ZNF354C: variants seen among roughly 807,000 people sequenced by gnomAD.
ZNF354C encodes zinc finger protein 354C.
Under a neutral mutation model 12.4 loss-of-function variants are expected in ZNF354C, and 7 were observed. The observed-to-expected ratio is 0.56, with a 90% CI of 0.32 to 1.06. The LOEUF (loss-of-function observed/expected upper bound fraction) is 1.06. Among genes scored for constraint, ZNF354C ranks in the 50% least tolerant of loss-of-function variants. The pLI is 0.04. For missense variants in ZNF354C, 609 were observed against 658.0 expected, an observed-to-expected ratio of 0.93 and a Z score of 0.81; for synonymous variants, 202 against 224.5, an observed-to-expected ratio of 0.90 and a Z score of 0.90.
intron 2 of ZNF354C, among the ~76,000 whole-genome samples, chr5:179,070,184 G>A (rs1406958302): frequency 6.6e-6 from 1 of 152,154 alleles, no homozygotes; most frequent in African/African-American, 2.4e-5. Context: ...AACTGCGCAC[G>A]TGAGGGGCCC....
chr5:179,069,543 C>A (rs1762013323), intron 2 of ZNF354C, among the ~76,000 whole-genome samples: 1 of 127,084 alleles, frequency 7.9e-6, no homozygotes. Flanking sequence ...GCCTGGGCGA[C>A]AGAGCAAGAC....
At position 179,062,074 on chromosome 5, in the gene ZNF354C, T is replaced by C; in HGVS notation, c.6T>C (p.Ala2=). The C allele has an allele frequency of 6.2e-7, 1 of 1,614,210 alleles. No homozygotes were observed. Among genetic ancestry groups the C allele is most frequent in the Non-Finnish European group, 8.5e-7 (1 of 1,180,030 alleles). ...GGAAGACTGAGGAGGAAGGGATGGC[T>C]GTGGATCTGCTGTCTGCTCAGGTGA... M[A]VDLLSAQEPV... The change falls in exon 2 of 5, where the codon GCT becomes GCC. Residue 2 remains alanine, a synonymous_variant. Coordinates refer to ENST00000315475, the MANE Select transcript of ZNF354C (RefSeq NM_014594.3).
intron 3 of ZNF354C, 49 bp from the exon 4 acceptor site, chr5:179,077,022 T>C (rs1017646681): frequency 6.6e-7 from 1 of 1,518,922 alleles, no homozygotes; most frequent in Admixed American, 1.7e-5. Flanking sequence ...AGTTCTAGGA[T>C]TGGTCTTCAT....
At chr5:179,072,815 A>T (rs1762067996) in intron 2 of ZNF354C, among the ~76,000 whole-genome samples, 1 of 152,190 alleles carries the variant, frequency 6.6e-6, no homozygotes, top group South Asian at 2.1e-4. Flanking sequence ...AATTATTGAG[A>T]TAACTTGCAT....
Position 179,080,143 on chromosome 5 carries a change from A to G in ZNF354C, c.*46A>G, listed in dbSNP as rs368997582. ...AGACTTCTCACTGGGGAATAAGGGA[A>G]TAATAAATAGGGTACAAACTCCTAA... On this transcript the variant is annotated 3_prime_UTR_variant, in exon 5 of 5. Coordinates refer to ENST00000315475, the MANE Select transcript of ZNF354C (RefSeq NM_014594.3). 7.2e-7 allele frequency: 1 copy of G among 1,382,474 alleles called. No homozygotes were observed. 85.6% of individuals were successfully genotyped at this position (1,382,474 alleles called of 1,614,324 possible). A position where few individuals can be genotyped will look rare whatever the true frequency, so the allele number is the denominator to read the frequency against.
chr5:179,061,427 A>G (rs1761890207), intron 1 of ZNF354C, among the ~76,000 whole-genome samples: 1 of 152,190 alleles, frequency 6.6e-6, no homozygotes. Context: ...GGGTGGGGAC[A>G]GTGCCTTAAT....
intron 2 of ZNF354C, among the ~76,000 whole-genome samples, chr5:179,062,715 A>G (rs1341227574): frequency 2.6e-5 from 4 of 151,842 alleles, no homozygotes; most frequent in Admixed American, 2.0e-4. Flanking sequence ...GAAGCCCAGA[A>G]GGAGGCAGGC....
At chr5:179,069,807 A>G (rs537424889) in intron 2 of ZNF354C, among the ~76,000 whole-genome samples, 9 of 151,934 alleles carry the variant, frequency 5.9e-5, no homozygotes, top group Non-Finnish European at 1.2e-4. Context: ...CGGAGCTTGC[A>G]GTGAGCCGAG....
At chr5:179,061,969 C>A in intron 1 of ZNF354C, 46 bp from the exon 2 acceptor site, 1 of 1,329,186 alleles carries the variant, frequency 7.5e-7, no homozygotes, top group Non-Finnish European at 1.1e-6. Flanking sequence ...CTCTCCAAGC[C>A]ATCTCCTGAC....
chr5:179,061,906 G>A (rs550413998), intron 1 of ZNF354C, 109 bp from the exon 2 acceptor site: 104 of 750,414 alleles, frequency 1.4e-4, no homozygotes, highest in Non-Finnish European at 2.0e-4. Flanking sequence ...ACATCATTAC[G>A]GGGGGTGGCT....
Position 179,083,944 on chromosome 5 carries a change from C to T in ZNF354C, c.*3847C>T, listed in dbSNP as rs1057068422. 6.7e-5 allele frequency among the ~76,000 whole-genome samples: 5 copies of T among 74,258 alleles called. No individual in the cohort carries two copies. The highest frequency in any genetic ancestry group is 2.7e-4 in the African/African-American group (5 of 18,330). The allele number at this position is 74,258 out of a possible 152,430, so 48.7% of individuals were successfully genotyped here. A position where few individuals can be genotyped will look rare whatever the true frequency, so the allele number is the denominator to read the frequency against. On this transcript the variant is annotated 3_prime_UTR_variant, in exon 5 of 5. Transcript: ENST00000315475. ...TAGGAGACTCCCCATTGCTTTTCTT[C>T]CCTATCTATCTTCCTGCTACTTGGA...
chr5:179,069,856 ACT>A (rs1491343321), intron 2 of ZNF354C, among the ~76,000 whole-genome samples: 4 of 152,148 alleles, frequency 2.6e-5, no homozygotes, highest in Admixed American at 1.3e-4. Context: ...ACAGAGCAAG[ACT>A]CTGTCTCAAA....
intron 2 of ZNF354C, among the ~76,000 whole-genome samples, chr5:179,068,673 T>C (rs1761992856): frequency 6.6e-6 from 1 of 151,824 alleles, no homozygotes; most frequent in Non-Finnish European, 1.5e-5. Context: ...GGGAACGGGA[T>C]TGGTGGTAAA....
chr5:179,066,978 C>T (rs1478421915), intron 2 of ZNF354C, among the ~76,000 whole-genome samples: 1 of 152,154 alleles, frequency 6.6e-6, no homozygotes, highest in East Asian at 1.9e-4. Context: ...ATCCCAATTA[C>T]ATTGTAATTT....
chr5:179,078,155 A>G lies in ZNF354C; in HGVS notation c.251-528A>G, dbSNP rs541871555. Among the ~76,000 whole-genome samples the G allele has an allele frequency of 5.9e-5, 9 of 152,246 alleles. No individual in the cohort carries two copies. The South Asian group carries it at 1.9e-3, about 32-fold the overall frequency. ...TTCACAGACTACAATATAAAATCAC[A>G]GTCACATGAAGTAAAGAAATTTAAG... On this transcript the variant is annotated intron_variant, in intron 4 of 4. Coordinates refer to ENST00000315475, the MANE Select transcript of ZNF354C (RefSeq NM_014594.3).
chr5:179,083,319 G>A lies in ZNF354C; in HGVS notation c.*3222G>A, dbSNP rs986007813. 1 of 173,666 alleles carries A rather than the reference G, an allele frequency of 5.8e-6. No individual in the cohort carries two copies. The highest frequency in any genetic ancestry group is 6.3e-5 in the Admixed American group (1 of 15,988). 10.8% of individuals were successfully genotyped at this position (173,666 alleles called of 1,614,324 possible). On this transcript the variant is annotated 3_prime_UTR_variant, in exon 5 of 5. Coordinates refer to ENST00000315475, the MANE Select transcript of ZNF354C (RefSeq NM_014594.3). ...CTAGAAGTGATAATTGAGTTACGTA[G>A]GATAATGTTCTAATTCTTAGGAGAT...
At chr5:179,062,430 G>A (rs1280841243) in intron 2 of ZNF354C, among the ~76,000 whole-genome samples, 1 of 152,132 alleles carries the variant, frequency 6.6e-6, no homozygotes, top group African/African-American at 2.4e-5. Flanking sequence ...TCACACTTGG[G>A]GCTAAGATGT....
At position 179,079,389 on chromosome 5, in the gene ZNF354C, G is replaced by A; in HGVS notation, c.957G>A (p.Gln319=). Residue 319 remains glutamine, a synonymous_variant, in exon 5 of 5, where the codon CAG becomes CAA. Coordinates refer to ENST00000315475, the MANE Select transcript of ZNF354C (RefSeq NM_014594.3). The surrounding 1 kb of genome is among the most constrained non-coding windows in gnomAD (Gnocchi z 4.2). The part of the protein sequence containing the change: ...FSQCSTLTVH[Q]RIHTGEKLYK... ...AGTGTTCAACCCTCACTGTACATCA[G>A]AGAATTCATACTGGAGAGAAACTCT... is the stretch of plus-strand genomic sequence containing the variant. The A allele has an allele frequency of 6.2e-7, 1 of 1,614,102 alleles. No homozygotes were observed. The highest frequency in any genetic ancestry group is 1.1e-5 in the South Asian group (1 of 91,080).
At position 179,076,066 on chromosome 5, in the gene ZNF354C, G is replaced by A. The variant is rs139598201; in HGVS notation, c.28-379G>A. Among the ~76,000 whole-genome samples, 20 of 152,268 alleles carry A rather than the reference G, an allele frequency of 1.3e-4. No homozygotes were observed. The East Asian group carries it at 1.5e-3, about 12-fold the overall frequency. ...AATCTGTTTCCTTGCCCTTTTCACC[G>A]TCTAGTGGTTCCCTGCAGCCCTTGG... is the stretch of plus-strand genomic sequence containing the variant. On this transcript the variant is annotated intron_variant, in intron 2 of 4. Transcript: ENST00000315475.
Sources: gnomAD v4.1 joint callset for allele counts (sites outside exome capture counted in the v4.1 genomes callset) on GRCh38, gnomAD v4.1.1 for gene constraint, Gnocchi (gnomAD v3.1) non-coding constraint, MANE v1.5 for transcripts, NCBI Gene and HGNC (gene_info 2026-07-23, HGNC 2026-07-21) for gene names.